FRY: variants seen among roughly 807,000 people sequenced by gnomAD.
FRY encodes the protein FRY microtubule binding protein, also known as protein furry homolog.
In FRY, 128 loss-of-function variants were observed where a neutral mutation model predicts 348.4. The observed-to-expected ratio is 0.37, with a 90% confidence interval of 0.32 to 0.43. The LOEUF is 0.43. FRY is among the 20% of genes least tolerant of loss of function. The pLI, the probability that FRY is intolerant of heterozygous loss-of-function variation, is 1.00. For missense variants in FRY, 2,736 were observed against 3,695.2 expected (o/e 0.74, Z 6.73); for synonymous variants, 1,370 against 1,374.7 (o/e 1.00, Z 0.08).
chr13:32,067,367 G>A (rs1285426346), intron 1 of FRY, among the ~76,000 whole-genome samples: 5 of 151,874 alleles, frequency 3.3e-5, no homozygotes, highest in African/African-American at 9.7e-5. Flanking sequence ...TTTTCTTAAT[G>A]TTAACAAAAG....
chr13:32,275,438 G>T (rs1416563473), intron 56 of FRY, among the ~76,000 whole-genome samples: 2 of 152,158 alleles, frequency 1.3e-5, no homozygotes, highest in Non-Finnish European at 2.9e-5. Flanking sequence ...GCACTGTATT[G>T]TGATATGACT....
chr13:32,179,469 AGGT>A (rs1882567252), intron 22 of FRY, among the ~76,000 whole-genome samples: 1 of 147,414 alleles, frequency 6.8e-6, no homozygotes, highest in Admixed American at 6.8e-5. Flanking sequence ...TTTGTGTTCC[AGGT>A]GAGAATTGCA....
In FRY at chr13:32,252,092, G is replaced by T. The variant is rs989608586; in HGVS notation, c.7245+140G>T. The T allele has an allele frequency of 4.2e-6, 3 of 708,968 alleles. No individual in the cohort carries two copies. In the Admixed American group the frequency reaches 6.0e-5, roughly 14 times the overall value. The allele number at this position is 708,968 out of a possible 1,614,324, so 43.9% of individuals were successfully genotyped here. ...AGCCACCGTCTTGAGCAAACCCCTG[G>T]ACTATTTCTCCCCACACCATGATTT... is the stretch of plus-strand genomic sequence containing the variant. On this transcript the variant is annotated intron_variant, in intron 50 of 60. Transcript: ENST00000542859.
intron 3 of FRY, among the ~76,000 whole-genome samples, chr13:32,110,738 G>A (rs1877899811): frequency 2.0e-5 from 3 of 152,136 alleles, no homozygotes; most frequent in Non-Finnish European, 2.9e-5. Context: ...AACATACAAT[G>A]TGTTAAATAA....
intron 47 of FRY, among the ~76,000 whole-genome samples, chr13:32,246,415 T>C (rs1886802379): frequency 6.6e-6 from 1 of 152,178 alleles, no homozygotes; most frequent in South Asian, 2.1e-4. Flanking sequence ...AGAGTAGGAA[T>C]TTGACATGCC....
In FRY at chr13:32,265,498, C is replaced by T. The variant is rs375510471; in HGVS notation, c.7828C>T (p.Leu2610Phe). The T allele has an allele frequency of 3.5e-5, 57 of 1,614,190 alleles. No individual in the cohort carries two copies. The African/African-American group carries it at 6.9e-4, about 20-fold the overall frequency. ...GGACACCACCGTGCATGAGGATGAT[C>T]TTTCTAGTTCCATCAATGAACTCCC... The part of the protein sequence containing the change: ...EEDTTVHEDD[L>F]SSSINELPAA... Residue 2610 changes from leucine (L) to phenylalanine (F), a missense_variant, in exon 54 of 61, where the codon CTT (leucine) becomes TTT (phenylalanine). Transcript: ENST00000542859.
intron 2 of FRY, among the ~76,000 whole-genome samples, chr13:32,100,077 T>G (rs903261281): frequency 2.7e-5 from 4 of 150,296 alleles, no homozygotes; most frequent in Non-Finnish European, 6.0e-5. Context: ...CTTGGAATAG[T>G]GAATTGCTTT....
chr13:32,243,990 C>T (rs1399530379), intron 46 of FRY, 52 bp from the exon 47 acceptor site: 1 of 1,600,026 alleles, frequency 6.2e-7, no homozygotes, highest in Non-Finnish European at 8.5e-7. Flanking sequence ...ACGGGTCCTT[C>T]CATACGGAGA....
At chr13:32,090,305 A>G (rs968592737) in intron 2 of FRY, among the ~76,000 whole-genome samples, 16 of 136,840 alleles carry the variant, frequency 1.2e-4, no homozygotes, top group East Asian at 2.3e-4. Flanking sequence ...CCGAGGTGGC[A>G]CCACTGCACT....
intron 2 of FRY, among the ~76,000 whole-genome samples, chr13:32,082,580 C>T (rs1875569703): frequency 6.6e-6 from 1 of 152,188 alleles, no homozygotes; most frequent in Admixed American, 6.5e-5. Flanking sequence ...CTCCTCCTTC[C>T]CTCTGAACTC....
chr13:32,257,502 C>A (rs1887399007), intron 51 of FRY, among the ~76,000 whole-genome samples: 1 of 152,186 alleles, frequency 6.6e-6, no homozygotes, highest in Non-Finnish European at 1.5e-5. Flanking sequence ...CTATTAATTG[C>A]ATATGAACAG....
At chr13:32,051,975 A>T (rs1176367303) in intron 1 of FRY, among the ~76,000 whole-genome samples, 1 of 152,220 alleles carries the variant, frequency 6.6e-6, no homozygotes, top group Non-Finnish European at 1.5e-5. Context: ...TTTGTAATAG[A>T]TTTGGGTGCC....
At chr13:32,219,348 C>T (rs1429454711) in intron 36 of FRY, among the ~76,000 whole-genome samples, 1 of 150,278 alleles carries the variant, frequency 6.7e-6, no homozygotes, top group Non-Finnish European at 1.5e-5. Flanking sequence ...CTCGGCCTCC[C>T]AAAGTGCTGG....
At chr13:32,111,070 A>C (rs959015340) in intron 3 of FRY, among the ~76,000 whole-genome samples, 2 of 152,332 alleles carry the variant, frequency 1.3e-5, no homozygotes, top group Admixed American at 6.5e-5. Flanking sequence ...TCATTTGCTC[A>C]GGAGACTTCA....
At chr13:32,253,253 CTG>C (rs1392853887) in intron 50 of FRY, among the ~76,000 whole-genome samples, 1 of 152,206 alleles carries the variant, frequency 6.6e-6, no homozygotes, top group Non-Finnish European at 1.5e-5. Context: ...CTATGTAAAA[CTG>C]TGTGTCAGGT....
intron 17 of FRY, among the ~76,000 whole-genome samples, chr13:32,169,932 C>A (rs1006823708): frequency 6.6e-6 from 1 of 152,180 alleles, no homozygotes; most frequent in Non-Finnish European, 1.5e-5. Flanking sequence ...AATGTCTCAA[C>A]CTTGGCACTA....
intron 32 of FRY, 47 bp downstream of exon 32, chr13:32,209,156 GA>G (rs770233855): frequency 1.2e-6 from 2 of 1,610,100 alleles, no homozygotes; most frequent in Non-Finnish European, 1.7e-6. Flanking sequence ...TCCATCATCA[GA>G]AAAAAACCCT....
chr13:32,226,036 G>T, intron 39 of FRY, 62 bp downstream of exon 39: 8 of 1,433,158 alleles, frequency 5.6e-6, no homozygotes, highest in Non-Finnish European at 7.9e-6. Context: ...AACTAACTGC[G>T]GGTGCCAGTG....
intron 55 of FRY, 43 bp from the exon 56 acceptor site, chr13:32,274,799 G>C (rs574263573): frequency 1.8e-5 from 27 of 1,497,608 alleles, no homozygotes; most frequent in South Asian, 2.2e-5. Flanking sequence ...TCATATATAA[G>C]TTTAACTTGA....
Sources: allele counts gnomAD v4.1 joint callset (sites outside exome capture counted in the v4.1 genomes callset), GRCh38; gene constraint gnomAD v4.1.1; transcripts MANE v1.5; gene names NCBI Gene and HGNC (gene_info 2026-07-23, HGNC 2026-07-21).